The following SSBP3 variants were observed in gnomAD, a reference collection of about 807,000 sequenced individuals.
SSBP3 encodes the protein single stranded DNA binding protein 3, also known as single-stranded DNA-binding protein 3.
SSBP3 carries 5 observed loss-of-function variants against 69.6 expected under a neutral mutation model. That is an observed-to-expected ratio of 0.07 (90% confidence interval 0.04 to 0.15). The LOEUF (loss-of-function observed/expected upper bound fraction) is 0.15. SSBP3 is among the 10% of genes least tolerant of loss of function. SSBP3 has a pLI of 1.00. For missense variants in SSBP3, 312 were observed against 534.0 expected (o/e 0.58, Z 4.10); for synonymous variants, 196 against 193.4 (o/e 1.01, Z -0.11).
At chr1:54,365,326 C>G (rs1647012038) in intron 4 of SSBP3, among the ~76,000 whole-genome samples, 1 of 151,844 alleles carries the variant, frequency 6.6e-6, no homozygotes, top group Non-Finnish European at 1.5e-5. Flanking sequence ...TGTCACCAAC[C>G]TGGTTCCCTG....
At chr1:54,315,732 G>A (rs1343736219) in intron 4 of SSBP3, among the ~76,000 whole-genome samples, 2 of 152,132 alleles carry the variant, frequency 1.3e-5, no homozygotes, top group Non-Finnish European at 2.9e-5. Context: ...CACAATCACA[G>A]CTCACTGCAG....
At chr1:54,394,768 T>G (rs993569073) in intron 4 of SSBP3, among the ~76,000 whole-genome samples, 1 of 139,762 alleles carries the variant, frequency 7.2e-6, no homozygotes, top group Non-Finnish European at 1.5e-5. Flanking sequence ...AATGGCGCCA[T>G]CTCGGCTCAC....
Position 54,325,105 on chromosome 1 carries a change from T to C in SSBP3, c.277-43578A>G, listed in dbSNP as rs543179572. 6.6e-5 allele frequency among the ~76,000 whole-genome samples: 10 copies of C among 152,300 alleles called. No individual in the cohort carries two copies. In the South Asian group the frequency reaches 2.1e-3, roughly 32 times the overall value. On this transcript the variant is annotated intron_variant, in intron 4 of 17. Coordinates refer to ENST00000610401, the Ensembl canonical transcript of SSBP3. ...AAGAGAGTAGAGCCAAAAGGGAACTTTGATATCATCTACTGCAGTTCCATT... is the reference window on the plus strand; with the variant it reads ...AAGAGAGTAGAGCCAAAAGGGAACTCTGATATCATCTACTGCAGTTCCATT...
At chr1:54,403,730 C>T (rs1393471500) in intron 3 of SSBP3, among the ~76,000 whole-genome samples, 1 of 152,212 alleles carries the variant, frequency 6.6e-6, no homozygotes, top group Non-Finnish European at 1.5e-5. Flanking sequence ...ATATCAAAAG[C>T]CACTCTGCTT....
At chr1:54,259,397 A>G (rs1217368469) in intron 5 of SSBP3, among the ~76,000 whole-genome samples, 4 of 152,190 alleles carry the variant, frequency 2.6e-5, no homozygotes, top group African/African-American at 4.8e-5. Flanking sequence ...CACACCACCA[A>G]AGGACTCTCC....
At chr1:54,406,541 G>C (rs568991140), upstream of SSBP3, 1 of 151,930 alleles carries the variant, frequency 6.6e-6, no homozygotes, top group Admixed American at 6.6e-5. Context: ...CGCCGGCCGC[G>C]GCAGTCCCCG....
In SSBP3 at chr1:54,278,912, AGCTAATATTCCTGTTGTAAGCAG is replaced by A. The variant is rs543517453; in HGVS notation, c.366+2503_366+2525del. On this transcript the variant is annotated intron_variant, in intron 5 of 17. Transcript: ENST00000610401. ...GTGAAGGGCAGGGCCAGCAATCAAT[AGCTAATATTCCTGTTGTAAGCAG>A]GCCTACTCCGGAAATGGGCAGCCAG... Among the ~76,000 whole-genome samples the A allele has an allele frequency of 6.6e-5, 10 of 152,342 alleles. No individual in the cohort carries two copies. In the South Asian group the frequency reaches 2.1e-3, roughly 32 times the overall value.
intron 4 of SSBP3, among the ~76,000 whole-genome samples, chr1:54,348,107 G>T (rs1261463898): frequency 6.6e-6 from 1 of 152,006 alleles, no homozygotes; most frequent in Non-Finnish European, 1.5e-5. Flanking sequence ...AGAGGTCAGA[G>T]TCCCCATATC....
intron 5 of SSBP3, among the ~76,000 whole-genome samples, chr1:54,271,653 C>A (rs1478457881): frequency 6.6e-6 from 1 of 152,228 alleles, no homozygotes; most frequent in Non-Finnish European, 1.5e-5. Flanking sequence ...GCCTGTGCTG[C>A]ATACAGACCT....
chr1:54,251,886 G>A (rs1162253433), intron 7 of SSBP3, 26 bp from the exon 8 acceptor site: 3 of 1,605,288 alleles, frequency 1.9e-6, no homozygotes, highest in Non-Finnish European at 1.7e-6. Flanking sequence ...GACACAAGCT[G>A]AGGAGCTGCT....
At chr1:54,355,013 T>C (rs1646841058) in intron 4 of SSBP3, among the ~76,000 whole-genome samples, 1 of 152,206 alleles carries the variant, frequency 6.6e-6, no homozygotes, top group Non-Finnish European at 1.5e-5. Context: ...AAGGTCCCTC[T>C]AAAAGGAAGG....
upstream of SSBP3, among the ~76,000 whole-genome samples, chr1:54,407,247 GCC>G (rs894900404): frequency 9.5e-4 from 145 of 152,276 alleles, 2 homozygotes; most frequent in Admixed American, 1.6e-3. Context: ...TGGCAAGTTA[GCC>G]CCTCGGCTTC....
At chr1:54,240,132 C>G (rs1644602876) in intron 13 of SSBP3, among the ~76,000 whole-genome samples, 1 of 138,462 alleles carries the variant, frequency 7.2e-6, no homozygotes, top group Non-Finnish European at 1.5e-5. Context: ...AACACATGCC[C>G]ACGTATGTGC....
At chr1:54,298,688 T>C (rs1645744240) in intron 4 of SSBP3, among the ~76,000 whole-genome samples, 1 of 152,086 alleles carries the variant, frequency 6.6e-6, no homozygotes, top group Admixed American at 6.6e-5. Flanking sequence ...AAGAGAGGAC[T>C]TGTCTTGCCA....
At chr1:54,348,717 C>T (rs56144946) in intron 4 of SSBP3, among the ~76,000 whole-genome samples, 34,758 of 152,148 alleles carry the variant, frequency 0.23, 4,377 homozygotes, top group Admixed American at 0.35. Context: ...CATGGGGCAG[C>T]GGGGCAGATG....
At chr1:54,299,631 A>T (rs1645765838) in intron 4 of SSBP3, among the ~76,000 whole-genome samples, 1 of 152,148 alleles carries the variant, frequency 6.6e-6, no homozygotes, top group African/African-American at 2.4e-5. Context: ...AATCCCCCAA[A>T]TCATGCCAGC....
At chr1:54,379,704 C>T (rs1647466190) in intron 4 of SSBP3, among the ~76,000 whole-genome samples, 1 of 152,156 alleles carries the variant, frequency 6.6e-6, no homozygotes, top group African/African-American at 2.4e-5. Context: ...CCACAGTGAC[C>T]CTTCCACAGA....
chr1:54,286,788 G>A (rs553123750), intron 4 of SSBP3: 1 of 152,268 alleles, frequency 6.6e-6, no homozygotes, highest in East Asian at 1.9e-4. Flanking sequence ...GCCAGGCTAA[G>A]GAATGGAACT....
intron 14 of SSBP3, among the ~76,000 whole-genome samples, chr1:54,230,437 G>A (rs144587328): frequency 1.4e-3 from 216 of 152,168 alleles, no homozygotes; most frequent in African/African-American, 4.1e-3. Context: ...TGAATATGTC[G>A]CTACTTTAAC....
Sources: gnomAD v4.1 joint callset for allele counts (sites outside exome capture counted in the v4.1 genomes callset) on GRCh38, gnomAD v4.1.1 for gene constraint, MANE v1.5 for transcripts, NCBI Gene and HGNC (gene_info 2026-07-23, HGNC 2026-07-21) for gene names.